The following PTPRN2 variants were observed in gnomAD, a reference collection of about 807,000 sequenced individuals.
PTPRN2 encodes protein tyrosine phosphatase receptor type N2.
PTPRN2 carries 74 observed loss-of-function variants against 118.8 expected under a neutral mutation model. The observed-to-expected ratio is 0.62, with a 90% CI of 0.52 to 0.76. PTPRN2 has a LOEUF of 0.76. Ranked by LOEUF, PTPRN2 falls within the 30% of genes least tolerant of loss-of-function variation. PTPRN2 has a pLI of 0.00. For missense variants in PTPRN2, 1,481 were observed against 1,394.4 expected, an observed-to-expected ratio of 1.06 and a Z score of -0.99; for synonymous variants, 641 against 608.0, an observed-to-expected ratio of 1.05 and a Z score of -0.80.
At chr7:158,471,994 C>T (rs1394200660) in intron 2 of PTPRN2, among the ~76,000 whole-genome samples, 3 of 151,968 alleles carry the variant, frequency 2.0e-5, no homozygotes, top group African/African-American at 2.4e-5. Context: ...GTTCCGGCCC[C>T]GCCACGGTTC....
chr7:157,843,402 G>A (rs55775923), intron 12 of PTPRN2, among the ~76,000 whole-genome samples: 4,837 of 152,118 alleles, frequency 0.032, 260 homozygotes, highest in African/African-American at 0.11. Context: ...TAGGGGGGCC[G>A]GCGTGGGGGT....
chr7:158,127,112 C>A (rs904020985), intron 9 of PTPRN2, among the ~76,000 whole-genome samples: 1 of 152,220 alleles, frequency 6.6e-6, no homozygotes, highest in Admixed American at 6.5e-5. Flanking sequence ...TCGGAGAGGT[C>A]AACGCCGCCC....
rs572518044 is a variant in PTPRN2, at chr7:158,563,426, T to C, written c.112+24132A>G. ...AGCAGTTTGCAAGTTGGCCGTGATG[T>C]CTCATAATATGAAGTTTGGGTGAGG... On this transcript the variant is annotated intron_variant, in intron 1 of 22. Transcript: ENST00000389418. This position sits in a 1 kb window ranked among gnomAD's most constrained non-coding sequence, Gnocchi z 5.1. Among the ~76,000 whole-genome samples, 1 of 152,292 alleles carries C rather than the reference T, an allele frequency of 6.6e-6. No homozygotes were observed. The highest frequency in any genetic ancestry group is 2.1e-4 in the South Asian group (1 of 4,822).
intron 11 of PTPRN2, among the ~76,000 whole-genome samples, chr7:157,995,126 G>A (rs1438323110): frequency 6.9e-5 from 9 of 130,426 alleles, no homozygotes; most frequent in African/African-American, 2.7e-4. Context: ...CTAAATCAAC[G>A]CTGCGTCCCC....
chr7:157,662,003 C>A (rs1795915003), intron 13 of PTPRN2, among the ~76,000 whole-genome samples: 1 of 152,174 alleles, frequency 6.6e-6, no homozygotes. Context: ...AGGATGAGAA[C>A]TGCAAAAACA....
At chr7:158,264,240 A>C (rs770180518) in intron 3 of PTPRN2, among the ~76,000 whole-genome samples, 1 of 152,230 alleles carries the variant, frequency 6.6e-6, no homozygotes, top group Non-Finnish European at 1.5e-5. Flanking sequence ...GGTAGAAATA[A>C]AACCATGCAA....
chr7:157,995,684 G>T (rs1161111978), intron 11 of PTPRN2, among the ~76,000 whole-genome samples: 1 of 152,258 alleles, frequency 6.6e-6, no homozygotes, highest in Admixed American at 6.5e-5. Context: ...AGCCTGCTTT[G>T]CCTCAGCGTC....
intron 1 of PTPRN2, among the ~76,000 whole-genome samples, chr7:158,512,437 G>A (rs1041121541): frequency 2.0e-5 from 3 of 152,306 alleles, no homozygotes; most frequent in Middle Eastern, 3.4e-3. Context: ...AGTTGGAGAC[G>A]TGAATAAGAG....
At chr7:158,532,164 G>A (rs527237712) in intron 1 of PTPRN2, among the ~76,000 whole-genome samples, 1 of 152,360 alleles carries the variant, frequency 6.6e-6, no homozygotes, top group African/African-American at 2.4e-5. Context: ...CCGGAGGGAG[G>A]TGCAGACCGC....
chr7:157,576,862 C>T, intron 18 of PTPRN2, 83 bp from the exon 19 acceptor site: 1 of 1,363,680 alleles, frequency 7.3e-7, no homozygotes, highest in Non-Finnish European at 1.0e-6. Context: ...AACCCAGGGC[C>T]ACGTCTGACC....
At chr7:157,937,947 T>A (rs1019818930) in intron 11 of PTPRN2, among the ~76,000 whole-genome samples, 1 of 152,234 alleles carries the variant, frequency 6.6e-6, no homozygotes, top group South Asian at 2.1e-4. Flanking sequence ...CTCTCTGTTG[T>A]TTTATTTTCC....
At chr7:158,521,218 C>T (rs114103032) in intron 1 of PTPRN2, among the ~76,000 whole-genome samples, 479 of 152,208 alleles carry the variant, frequency 3.1e-3, no homozygotes, top group African/African-American at 0.011. Flanking sequence ...CTCTGTTGGT[C>T]GACTCAGGCA....
At chr7:158,116,509 T>C (rs546618049) in intron 9 of PTPRN2, among the ~76,000 whole-genome samples, 1 of 152,356 alleles carries the variant, frequency 6.6e-6, no homozygotes, top group African/African-American at 2.4e-5. Flanking sequence ...GCTGTGCACA[T>C]GTTCCTGGAG....
chr7:157,760,192 G>T (rs1454285766), intron 12 of PTPRN2, among the ~76,000 whole-genome samples: 1 of 152,158 alleles, frequency 6.6e-6, no homozygotes, highest in Non-Finnish European at 1.5e-5. Flanking sequence ...GTGGTGATCA[G>T]TTTCCCACGT....
chr7:158,480,695 C>G (rs1820587189), intron 2 of PTPRN2, among the ~76,000 whole-genome samples: 1 of 152,202 alleles, frequency 6.6e-6, no homozygotes, highest in African/African-American at 2.4e-5. Context: ...AGTGAAACAG[C>G]CTTACTGCTC....
chr7:158,063,482 A>C (rs1393464151), intron 11 of PTPRN2, among the ~76,000 whole-genome samples: 1 of 152,222 alleles, frequency 6.6e-6, no homozygotes. Context: ...AGATAAGGGG[A>C]AAAAAGCAGG....
At chr7:158,289,728 TTTGTTG>T (rs141044075) in intron 3 of PTPRN2, among the ~76,000 whole-genome samples, 21 of 151,970 alleles carry the variant, frequency 1.4e-4, no homozygotes, top group South Asian at 8.3e-4. Flanking sequence ...GTTTTTCATG[TTTGTTG>T]TTGTTGTTGT....
At chr7:158,078,252 C>T (rs1056274508) in intron 11 of PTPRN2, among the ~76,000 whole-genome samples, 9 of 152,150 alleles carry the variant, frequency 5.9e-5, no homozygotes, top group East Asian at 3.9e-4. Context: ...GTGATCTCCC[C>T]GCATTAATAA....
chr7:158,122,800 G>T (rs375808669), intron 9 of PTPRN2, among the ~76,000 whole-genome samples: 18 of 152,232 alleles, frequency 1.2e-4, no homozygotes, highest in African/African-American at 4.3e-4. Context: ...TTCCAACGTA[G>T]GTGCCCAGAA....
Sources: gnomAD v4.1 joint callset for allele counts (sites outside exome capture counted in the v4.1 genomes callset) on GRCh38, gnomAD v4.1.1 for gene constraint, Gnocchi (gnomAD v3.1) non-coding constraint, MANE v1.5 for transcripts, NCBI Gene and HGNC (gene_info 2026-07-23, HGNC 2026-07-21) for gene names.